FAR2: variants seen among roughly 807,000 people sequenced by gnomAD.
FAR2 encodes the protein epididymis secretory protein Li 81.
Under a neutral mutation model 56.0 loss-of-function variants are expected in FAR2, and 19 were observed. The ratio of observed to expected loss-of-function variants is 0.34; its 90% CI spans 0.24 to 0.50. The LOEUF (loss-of-function observed/expected upper bound fraction) is 0.50, where lower values mean the gene tolerates loss of function less well. Among genes scored for constraint, FAR2 ranks in the 20% least tolerant of loss-of-function variants. The probability of loss-of-function intolerance (pLI) is 0.98; values close to 1 mark genes in which losing one functional copy is unlikely to be tolerated. For synonymous variants in FAR2, 219 were observed against 218.8 expected, an observed-to-expected ratio of 1.00 and a Z score of -0.01; for missense variants, 508 against 642.2, an observed-to-expected ratio of 0.79 and a Z score of 2.26.
intron 3 of FAR2, among the ~76,000 whole-genome samples, chr12:29,296,065 G>A (rs1365146876): frequency 1.3e-5 from 2 of 152,120 alleles, no homozygotes; most frequent in South Asian, 2.1e-4. Flanking sequence ...ACCGCGCCCG[G>A]CCTTTTAACG....
intron 11 of FAR2, chr12:29,333,043 C>G: frequency 2.5e-6 from 1 of 400,958 alleles, no homozygotes; most frequent in South Asian, 2.0e-5. Context: ...TTCTACCACA[C>G]TCTGTCATAA....
chr12:29,236,839 T>G (rs1947950969), intron 1 of FAR2, among the ~76,000 whole-genome samples: 1 of 152,062 alleles, frequency 6.6e-6, no homozygotes, highest in South Asian at 2.1e-4. Context: ...CCTAAAATTT[T>G]GAAATATAAG....
chr12:29,154,947 T>G (rs889594385), intron 1 of FAR2, among the ~76,000 whole-genome samples: 8 of 152,210 alleles, frequency 5.3e-5, no homozygotes, highest in Non-Finnish European at 1.0e-4. Flanking sequence ...AGTTCTCTAT[T>G]AACCATAAGC....
At chr12:29,206,834 A>G (rs1947481884) in intron 1 of FAR2, among the ~76,000 whole-genome samples, 1 of 152,226 alleles carries the variant, frequency 6.6e-6, no homozygotes, top group African/African-American at 2.4e-5. Flanking sequence ...TCAGGGATGA[A>G]GTCAGATTTG....
intron 1 of FAR2, among the ~76,000 whole-genome samples, chr12:29,188,893 G>A (rs964311879): frequency 6.6e-6 from 1 of 151,778 alleles, no homozygotes; most frequent in East Asian, 1.9e-4. Flanking sequence ...GCTCAAATTA[G>A]GGGTGTTTTG....
intron 1 of FAR2, among the ~76,000 whole-genome samples, chr12:29,264,250 A>T (rs1591907113): frequency 6.6e-6 from 1 of 152,218 alleles, no homozygotes; most frequent in Non-Finnish European, 1.5e-5. Context: ...AATGCTGAAA[A>T]AAGCATTTGA....
At chr12:29,238,777 T>C (rs1947980769) in intron 1 of FAR2, among the ~76,000 whole-genome samples, 1 of 152,230 alleles carries the variant, frequency 6.6e-6, no homozygotes, top group African/African-American at 2.4e-5. Context: ...TCCCACATTT[T>C]ATCAGAGTTC....
chr12:29,219,477 T>C (rs1947660142), intron 1 of FAR2, among the ~76,000 whole-genome samples: 1 of 152,152 alleles, frequency 6.6e-6, no homozygotes, highest in African/African-American at 2.4e-5. Flanking sequence ...ACAGGTCTGA[T>C]AGAGGACACA....
chr12:29,164,769 C>A (rs571402285), intron 1 of FAR2, among the ~76,000 whole-genome samples: 1 of 152,180 alleles, frequency 6.6e-6, no homozygotes, highest in Non-Finnish European at 1.5e-5. Flanking sequence ...TGATGAGTCT[C>A]CAATTGTGCA....
rs192655778 is a variant in FAR2 at position 29,155,104 on chromosome 12, A to C, written c.-39+5697A>C. 7.2e-5 allele frequency among the ~76,000 whole-genome samples: 11 copies of C among 152,262 alleles called. No homozygotes were observed. The East Asian group carries it at 1.5e-3, about 21-fold the overall frequency. On this transcript the variant is annotated intron_variant, in intron 1 of 11. Coordinates refer to ENST00000536681, the MANE Select transcript of FAR2 (RefSeq NM_001271783.2). The stretch of plus-strand genomic sequence containing the variant: ...GATCTGCAGTCTGATTAAAAGCAAA[A>C]TTGTTTTTCATTTCTACTTCTTTGG...
chr12:29,274,743 C>T (rs994789491), intron 2 of FAR2, among the ~76,000 whole-genome samples: 5 of 151,646 alleles, frequency 3.3e-5, no homozygotes, highest in Admixed American at 2.6e-4. Context: ...TCAAAATCTC[C>T]GCCACTGAGT....
At chr12:29,309,067 T>C in intron 5 of FAR2, 119 bp from the exon 6 acceptor site, 2 of 749,886 alleles carry the variant, frequency 2.7e-6, no homozygotes, top group South Asian at 1.5e-5. Context: ...AATTAGATAG[T>C]TCTATTGGCT....
intron 1 of FAR2, among the ~76,000 whole-genome samples, chr12:29,265,455 A>G (rs1409627374): frequency 1.3e-5 from 2 of 152,182 alleles, no homozygotes; most frequent in African/African-American, 4.8e-5. Context: ...AAATGGTGCT[A>G]GGAAAACTGG....
At chr12:29,190,328 A>G (rs970430749) in intron 1 of FAR2, among the ~76,000 whole-genome samples, 2 of 151,330 alleles carry the variant, frequency 1.3e-5, no homozygotes, top group African/African-American at 4.9e-5. Flanking sequence ...GACAGAAAAA[A>G]AAAAAGGATC....
Position 29,182,479 on chromosome 12 carries a change from C to T in FAR2, c.-39+33072C>T, listed in dbSNP as rs371628483. Among the ~76,000 whole-genome samples the T allele has an allele frequency of 2.9e-4, 44 of 152,270 alleles. 1 individual carries two copies. The South Asian group carries it at 4.8e-3, about 16-fold the overall frequency. On this transcript the variant is annotated intron_variant, in intron 1 of 11. Transcript: ENST00000536681. ...GCTAGACACAGAGTGCTGATTGGTG[C>T]GTTTACAATCCTTTAGCTAGACACA...
At chr12:29,247,440 G>A (rs1402821181) in intron 1 of FAR2, among the ~76,000 whole-genome samples, 3 of 152,048 alleles carry the variant, frequency 2.0e-5, no homozygotes, top group Admixed American at 2.0e-4. Flanking sequence ...ACAGTAATTT[G>A]TGCAATGATG....
chr12:29,181,192 T>G (rs995373317), intron 1 of FAR2, among the ~76,000 whole-genome samples: 1 of 151,118 alleles, frequency 6.6e-6, no homozygotes, highest in African/African-American at 2.5e-5. Flanking sequence ...TTAGATTAGT[T>G]TTCCTGACGT....
At chr12:29,322,354 G>T (rs546590449) in intron 10 of FAR2, among the ~76,000 whole-genome samples, 71 of 152,168 alleles carry the variant, frequency 4.7e-4, no homozygotes, top group African/African-American at 1.7e-3. Flanking sequence ...AAATTGTTCT[G>T]CCTCTCCCAG....
At chr12:29,304,553 G>T (rs929806655) in intron 4 of FAR2, among the ~76,000 whole-genome samples, 6 of 152,162 alleles carry the variant, frequency 3.9e-5, no homozygotes, top group African/African-American at 1.4e-4. Context: ...TACTAGGCTT[G>T]CCCACTTGTT....
Sources: gnomAD v4.1 joint callset for allele counts (sites outside exome capture counted in the v4.1 genomes callset) on GRCh38, gnomAD v4.1.1 for gene constraint, MANE v1.5 for transcripts, NCBI Gene and HGNC (gene_info 2026-07-23, HGNC 2026-07-21) for gene names.